The following SRPRA variants were observed in gnomAD, a reference collection of about 807,000 sequenced individuals.
SRPRA encodes SRP receptor subunit alpha, also known as signal recognition particle receptor subunit alpha.
A neutral mutation model predicts 61.1 loss-of-function variants in SRPRA; 30 were observed. The observed-to-expected ratio is 0.49, with a 90% CI of 0.37 to 0.67. The LOEUF (loss-of-function observed/expected upper bound fraction) is 0.67, where lower values mean the gene tolerates loss of function less well. Ranked by LOEUF, SRPRA falls within the 30% of genes least tolerant of loss-of-function variation. The probability of loss-of-function intolerance (pLI) is 0.00; values close to 1 mark genes in which losing one functional copy is unlikely to be tolerated. For synonymous variants in SRPRA, 324 were observed against 299.7 expected (o/e 1.08, Z -0.84); for missense variants, 759 against 828.4 (o/e 0.92, Z 1.03).
chr11:126,266,978 A>C, intron 4 of SRPRA, 56 bp from the exon 5 acceptor site: 2 of 1,581,006 alleles, frequency 1.3e-6, no homozygotes, highest in South Asian at 2.3e-5. Context: ...ACCACTAGAC[A>C]ATGGCTAAAA....
chr11:126,254,237 G>A, the SRPRA span: 1 of 1,557,452 alleles, frequency 6.4e-7, no homozygotes, highest in South Asian at 1.2e-5. Flanking sequence ...ACAGCCTCTT[G>A]CCCATTGTGA....
At chr11:126,254,427 A>G in the SRPRA span, 3 of 1,614,138 alleles carry the variant, frequency 1.9e-6, no homozygotes, top group South Asian at 3.3e-5. Flanking sequence ...GGAACACTGA[A>G]GTCATGGTGA....
the SRPRA span, among the ~76,000 whole-genome samples, chr11:126,254,033 A>C: frequency 6.6e-6 from 1 of 152,290 alleles, no homozygotes; most frequent in South Asian, 2.1e-4. Context: ...CACCAGTGCA[A>C]AGGGTCCCTG....
the SRPRA span, among the ~76,000 whole-genome samples, chr11:126,245,804 C>T: frequency 2.6e-5 from 4 of 152,252 alleles, no homozygotes; most frequent in Admixed American, 1.3e-4. Flanking sequence ...CGAGACCAGC[C>T]TGGCCAACAT....
rs772276207 is a variant in SRPRA, at chr11:126,265,440, G to C, written c.1139C>G (p.Thr380Arg). ...LEGKVMGTFS[T>R]VTSTVKQALQ... ...GGCTTGCTTTACTGTGGAAGTCACC[G>C]CTGAAAGGGGAGGTGGAGGAGGTTG... is the stretch of plus-strand genomic sequence containing the variant. The change falls in exon 10 of 14, where the codon ACG (threonine) becomes AGG (arginine). Residue 380 changes from threonine to arginine, a missense_variant and splice_region_variant. Physicochemically the swap from Thr to Arg is moderately conservative, Grantham distance 71 (BLOSUM62 -1). Around this residue, in one of 2 missense-constraint regions of SRPRA, gnomAD observed 284 missense variants for 365.9 expected, o/e 0.78. Transcript: ENST00000332118. The surrounding 1 kb of genome is among the most constrained non-coding windows in gnomAD (Gnocchi z 6.3). The C allele has an allele frequency of 6.2e-7, 1 of 1,609,192 alleles. No homozygotes were observed. Among genetic ancestry groups the C allele is most frequent in the South Asian group, 1.1e-5 (1 of 90,640 alleles).
chr11:126,237,680 TAAAAAAAAAAAAAAAA>T, the SRPRA span, among the ~76,000 whole-genome samples: 1 of 85,908 alleles, frequency 1.2e-5, no homozygotes. Context: ...CTGTCTCTAC[TAAAAAAAAAAAAAAAA>T]AAAAAAAAAA....
the SRPRA span, among the ~76,000 whole-genome samples, chr11:126,244,854 C>T: frequency 3.3e-5 from 5 of 151,946 alleles, no homozygotes; most frequent in Admixed American, 3.3e-4. This position sits in a 1 kb window ranked among gnomAD's most constrained non-coding sequence, Gnocchi z 4.5. Flanking sequence ...CTACAAAACA[C>T]TGAAAGAAAT....
In SRPRA at chr11:126,267,467, C is replaced by G; in HGVS notation, c.365+82G>C. 1 of 1,593,032 alleles carries G rather than the reference C, an allele frequency of 6.3e-7. No individual in the cohort carries two copies. Among genetic ancestry groups the G allele is most frequent in the Non-Finnish European group, 8.6e-7 (1 of 1,167,512 alleles). On this transcript the variant is annotated intron_variant, in intron 3 of 13. Coordinates refer to ENST00000332118, the MANE Select transcript of SRPRA (RefSeq NM_003139.4). The surrounding 1 kb of genome is among the most constrained non-coding windows in gnomAD (Gnocchi z 4.2). ...AAATTAGGAATGTCTTTGAACACAT[C>G]AATTTACCACCTTTGAACCACCTTC...
At chr11:126,251,704 T>C in the SRPRA span, among the ~76,000 whole-genome samples, 3 of 152,110 alleles carry the variant, frequency 2.0e-5, no homozygotes, top group African/African-American at 7.2e-5. Context: ...GTCCGTTTCC[T>C]TTGTAGCACT....
At position 126,266,878 on chromosome 11, in the gene SRPRA, T is replaced by G; in HGVS notation, c.571A>C (p.Lys191Gln). 2 of 1,614,190 alleles carry G rather than the reference T, an allele frequency of 1.2e-6. No homozygotes were observed. Among genetic ancestry groups the G allele is most frequent in the Non-Finnish European group, 1.7e-6 (2 of 1,180,034 alleles). The change falls in exon 5 of 14, where the codon AAG becomes CAG. Residue 191 changes from lysine to glutamine, a missense_variant. By Grantham distance (53) the Lys-to-Gln change is moderately conservative. Coordinates refer to ENST00000332118, the MANE Select transcript of SRPRA (RefSeq NM_003139.4). ...LATSKPVPAE[K>Q]SGLPVGPENG... Reference sequence around the variant, plus strand: ...TCAGGACCCACTGGAAGACCTGACTTTTCTGCAGGGACTGGTTTGCTGGTA... The same window carrying G: ...TCAGGACCCACTGGAAGACCTGACTGTTCTGCAGGGACTGGTTTGCTGGTA...
At chr11:126,262,352 C>T (rs369202752), downstream of SRPRA, 47 of 571,992 alleles carry the variant, frequency 8.2e-5, 1 homozygote, top group African/African-American at 3.0e-4. Flanking sequence ...AGAATAAAAG[C>T]GACAGCAGGA....
rs1243044869 is a variant in SRPRA, at chr11:126,268,683, G to A, written c.117+5C>T. On this transcript the variant is annotated splice_donor_5th_base_variant and intron_variant, in intron 1 of 13. Transcript: ENST00000332118. ...CCTGGAGTTCTGATCCCACGGGGAC[G>A]GTACCTGCAGCAGCACGGAACGAAT... is the stretch of plus-strand genomic sequence containing the variant. The A allele has an allele frequency of 3.1e-6, 5 of 1,611,474 alleles. No individual in the cohort carries two copies. The highest frequency in any genetic ancestry group is 3.4e-6 in the Non-Finnish European group (4 of 1,177,940).
the SRPRA span, among the ~76,000 whole-genome samples, chr11:126,253,559 T>C: frequency 2.6e-5 from 4 of 152,216 alleles, no homozygotes; most frequent in African/African-American, 9.6e-5. The surrounding 1 kb of genome is among the most constrained non-coding windows in gnomAD (Gnocchi z 5.1). Flanking sequence ...CGTGAAACTT[T>C]GTGGCTTGTA....
downstream of SRPRA, chr11:126,262,162 A>C: frequency 6.2e-7 from 1 of 1,612,892 alleles, no homozygotes; most frequent in Non-Finnish European, 8.5e-7. Context: ...CACCGTTTAG[A>C]CCAAGCTGTA....
the SRPRA span, chr11:126,250,452 A>G: frequency 7.9e-7 from 1 of 1,268,966 alleles, no homozygotes; most frequent in Non-Finnish European, 1.1e-6. This position sits in a 1 kb window ranked among gnomAD's most constrained non-coding sequence, Gnocchi z 5.1. Flanking sequence ...AACTAAAACA[A>G]CTGACCTACC....
chr11:126,261,683 C>G (rs898111304), downstream of SRPRA, among the ~76,000 whole-genome samples: 2 of 152,162 alleles, frequency 1.3e-5, no homozygotes, highest in Non-Finnish European at 2.9e-5. Context: ...GTGCAGTGAT[C>G]AGTTAATTTT....
rs1263028994 is a variant in SRPRA, at chr11:126,263,976, G to C, written c.1857C>G (p.Thr619=). 3 of 1,614,212 alleles carry C rather than the reference G, an allele frequency of 1.9e-6. No homozygotes were observed. In the South Asian group the frequency reaches 3.3e-5, roughly 18 times the overall value. ...CATTGAGGCTGCGTAGGTCACAGTA[G>C]GTCTGGCCGGTGCCCACAAAGACGA... ...KPIVFVGTGQ[T]YCDLRSLNAK... is the part of the protein sequence containing the mutation. Residue 619 remains threonine (T), a synonymous_variant, in exon 14 of 14, where the codon ACC becomes ACG. Coordinates refer to ENST00000332118, the MANE Select transcript of SRPRA (RefSeq NM_003139.4).
chr11:126,262,700 C>T (rs1288775702), downstream of SRPRA: 1 of 152,636 alleles, frequency 6.6e-6, no homozygotes, highest in Non-Finnish European at 1.5e-5. Flanking sequence ...CTCTAACTTG[C>T]ATCAAGGTAC....
At chr11:126,243,273 C>G in the SRPRA span, among the ~76,000 whole-genome samples, 1 of 152,136 alleles carries the variant, frequency 6.6e-6, no homozygotes. Context: ...CCCATATTAT[C>G]CTGATAACAA....
Sources: gnomAD v4.1 joint callset for allele counts (sites outside exome capture counted in the v4.1 genomes callset) on GRCh38, gnomAD v4.1.1 for gene constraint, gnomAD v4.1.1 regional missense constraint, Gnocchi (gnomAD v3.1) non-coding constraint, MANE v1.5 for transcripts, NCBI Gene and HGNC (gene_info 2026-07-23, HGNC 2026-07-21) for gene names.